Variants in PCA3 observed in about 807,000 individuals in gnomAD.
The protein encoded by PCA3 is Differential Display code 3.
At chr9:76,771,663 A>C (rs1029845721) in intron 2 of PCA3, among the ~76,000 whole-genome samples, 2 of 152,224 alleles carry the variant, frequency 1.3e-5, no homozygotes. Flanking sequence ...TGAGTAAATG[A>C]ATTTTCAAAA....
intron 2 of PCA3, among the ~76,000 whole-genome samples, chr9:76,782,413 T>C (rs933363624): frequency 6.6e-6 from 1 of 152,266 alleles, no homozygotes. Context: ...TAGGGCCAGA[T>C]TCTGCTTCTT....
At chr9:76,779,754 T>C (rs559332725) in intron 2 of PCA3, 2 of 152,270 alleles carry the variant, frequency 1.3e-5, no homozygotes, top group African/African-American at 4.8e-5. Context: ...GCATGATGGA[T>C]AATGAATGTT....
chr9:76,778,764 T>C (rs2131141894), intron 2 of PCA3: 1 of 152,338 alleles, frequency 6.6e-6, no homozygotes, highest in South Asian at 2.1e-4. Flanking sequence ...CCTAGAACAA[T>C]GCCCAGATTA....
In PCA3 at chr9:76,779,274, T is replaced by C. The variant is rs114271371; in HGVS notation, n.853-29309T>C. ...AAGTATCTGGATGTTCCTTAGTCAC[T>C]TAAAGGAGAACTGAAAAATAGCAGT... On this transcript the variant is annotated intron_variant and non_coding_transcript_variant, in intron 2 of 5. Coordinates refer to ENST00000644657, the Ensembl canonical transcript of PCA3. 5.8e-3 allele frequency among the ~76,000 whole-genome samples: 878 copies of C among 151,700 alleles called. 4 individuals carry two copies. The highest frequency in any genetic ancestry group is 0.018 in the African/African-American group (741 of 41,264).
chr9:76,774,467 T>A (rs2053517688), intron 2 of PCA3, among the ~76,000 whole-genome samples: 2 of 143,746 alleles, frequency 1.4e-5, no homozygotes, highest in African/African-American at 5.1e-5. Flanking sequence ...TTTTTTTTTT[T>A]TTTTTTTTTT....
At chr9:76,784,780 C>T (rs7862512) in intron 2 of PCA3, 13,040 of 152,338 alleles carry the variant, frequency 0.086, 1,610 homozygotes, top group African/African-American at 0.27. Context: ...TACTAGCACA[C>T]AGCATGATCA....
intron 2 of PCA3, among the ~76,000 whole-genome samples, chr9:76,776,221 A>C (rs950419789): frequency 6.6e-6 from 1 of 152,212 alleles, no homozygotes; most frequent in African/African-American, 2.4e-5. Flanking sequence ...CTGAGCTTTT[A>C]GTGTAGCCAT....
At chr9:76,770,131 A>T (rs2052927993) in intron 2 of PCA3, among the ~76,000 whole-genome samples, 2 of 152,164 alleles carry the variant, frequency 1.3e-5, no homozygotes, top group Non-Finnish European at 2.9e-5. Flanking sequence ...CAGTCACTAA[A>T]AACTCATTTT....
At chr9:76,777,721 G>A (rs540388572) in intron 2 of PCA3, among the ~76,000 whole-genome samples, 174 of 152,320 alleles carry the variant, frequency 1.1e-3, no homozygotes, top group African/African-American at 4.0e-3. Flanking sequence ...GGGCAGTGCA[G>A]AAAAATCAAA....
At chr9:76,771,779 T>C (rs2053135987) in intron 2 of PCA3, among the ~76,000 whole-genome samples, 1 of 152,200 alleles carries the variant, frequency 6.6e-6, no homozygotes, top group Non-Finnish European at 1.5e-5. Context: ...TTTCCAATTA[T>C]TTCCCAGAGG....
intron 2 of PCA3, among the ~76,000 whole-genome samples, chr9:76,766,426 T>A (rs2052398527): frequency 6.6e-6 from 1 of 152,146 alleles, no homozygotes; most frequent in South Asian, 2.1e-4. Context: ...TTTTCTTATG[T>A]CTTTAACGAT....
At chr9:76,776,324 T>C (rs1296130503) in intron 2 of PCA3, among the ~76,000 whole-genome samples, 1 of 151,606 alleles carries the variant, frequency 6.6e-6, no homozygotes, top group African/African-American at 2.4e-5. Flanking sequence ...GATGTTATTA[T>C]TTCACTCTCT....
At chr9:76,785,637 T>C (rs1392918332) in intron 2 of PCA3, 1 of 152,142 alleles carries the variant, frequency 6.6e-6, no homozygotes, top group Non-Finnish European at 1.5e-5. Flanking sequence ...TTGTAGTTAA[T>C]TGAAAGAAAT....
In PCA3 at chr9:76,769,519, G is replaced by A. The variant is rs533605768; in HGVS notation, n.852+32904G>A. Among the ~76,000 whole-genome samples the A allele has an allele frequency of 2.8e-4, 42 of 152,208 alleles. 2 individuals carry two copies. In the East Asian group the frequency reaches 7.5e-3, roughly 27 times the overall value. ...CTCGTCGTCGCAACCTCCGCCCCCCGGGTTCAAGTGATTCTCCTGCCTCAG... is the reference window on the plus strand; with the variant it reads ...CTCGTCGTCGCAACCTCCGCCCCCCAGGTTCAAGTGATTCTCCTGCCTCAG... On this transcript the variant is annotated intron_variant and non_coding_transcript_variant, in intron 2 of 5. Coordinates refer to ENST00000644657, the Ensembl canonical transcript of PCA3.
chr9:76,768,623 G>GTATA (rs749606024), intron 2 of PCA3, among the ~76,000 whole-genome samples: 2 of 130,152 alleles, frequency 1.5e-5, no homozygotes, highest in African/African-American at 5.6e-5. Flanking sequence ...GTGTGTGTGT[G>GTATA]TATATCCCTG....
intron 2 of PCA3, chr9:76,786,760 T>C (rs2055032122): frequency 6.6e-6 from 1 of 152,250 alleles, no homozygotes; most frequent in Admixed American, 6.5e-5. Flanking sequence ...ATTAGATATT[T>C]AAAGCTCAAG....
rs535390761 is a variant in PCA3 at position 76,781,991 on chromosome 9, GATC to G, written n.853-26589_853-26587del. ...GCACTTTGGGAGGCCGAAGCAGGTG[GATC>G]ATGAGGTCAGGAGATTGAGACCATC... On this transcript the variant is annotated intron_variant and non_coding_transcript_variant, in intron 2 of 5. Transcript: ENST00000644657. Among the ~76,000 whole-genome samples the G allele has an allele frequency of 1.8e-3, 277 of 152,280 alleles. 1 individual carries two copies. The South Asian group carries it at 0.021, about 12-fold the overall frequency.
chr9:76,779,837 A>G (rs1445720268), intron 2 of PCA3: 1 of 152,234 alleles, frequency 6.6e-6, no homozygotes, highest in Admixed American at 6.5e-5. Context: ...CATTATCACC[A>G]TATGTCAATA....
intron 2 of PCA3, chr9:76,786,593 A>G (rs2055009181): frequency 6.6e-6 from 1 of 152,060 alleles, no homozygotes; most frequent in Admixed American, 6.5e-5. Context: ...TCGCTTACCA[A>G]TCCTCTCTCT....
Sources: allele counts gnomAD v4.1 joint callset (sites outside exome capture counted in the v4.1 genomes callset), GRCh38; gene constraint gnomAD v4.1.1; transcripts MANE v1.5; gene names NCBI Gene and HGNC (gene_info 2026-07-23, HGNC 2026-07-21).